MYBPC1: variants seen among roughly 807,000 people sequenced by gnomAD.
MYBPC1 encodes myosin-binding protein C, slow-type.
In MYBPC1, 52 loss-of-function variants were observed where a neutral mutation model predicts 147.1. The ratio of observed to expected loss-of-function variants is 0.35; its 90% CI spans 0.28 to 0.45. The LOEUF (loss-of-function observed/expected upper bound fraction) is 0.45, where lower values mean the gene tolerates loss of function less well. Among genes scored for constraint, MYBPC1 ranks in the 20% least tolerant of loss-of-function variants. The pLI is 1.00. For missense variants in MYBPC1, 1,228 were observed against 1,440.3 expected, an observed-to-expected ratio of 0.85 and a Z score of 2.39; for synonymous variants, 477 against 475.9, an observed-to-expected ratio of 1.00 and a Z score of -0.03.
chr12:101,597,018 A>G (rs536135555), intron 1 of MYBPC1, among the ~76,000 whole-genome samples: 1 of 152,356 alleles, frequency 6.6e-6, no homozygotes, highest in African/African-American at 2.4e-5. Flanking sequence ...CCTTACCAGC[A>G]GAACTGATTC....
chr12:101,631,870 C>T (rs1364720065), intron 7 of MYBPC1, 151 bp downstream of exon 7: 1 of 1,336,268 alleles, frequency 7.5e-7, no homozygotes, highest in African/African-American at 1.4e-5. Context: ...TTGCGATTGC[C>T]CGGCTGTGTC....
chr12:101,675,384 G>C lies in MYBPC1; in HGVS notation c.2902G>C (p.Ala968Pro), dbSNP rs1249516758. ...GACTCCACCAAAGGATGATGGAAAT[G>C]CTGCTATCACAGGCTATACCATTCA... Reference protein sequence around the residue: ...TWTPPKDDGNAAITGYTIQKA... With the variant: ...TWTPPKDDGNPAITGYTIQKA... The change falls in exon 26 of 32, where the codon GCT becomes CCT. Residue 968 changes from alanine to proline, a missense_variant. Ala to Pro is a conservative substitution (Grantham distance 27). Transcript: ENST00000361466. 6.2e-6 allele frequency: 10 copies of C among 1,614,168 alleles called. No homozygotes were observed. The highest frequency in any genetic ancestry group is 8.5e-6 in the Non-Finnish European group (10 of 1,180,016).
chr12:101,685,384 C>T (rs554503158), intron 31 of MYBPC1, among the ~76,000 whole-genome samples, 198 bp from the exon 32 acceptor site: 1 of 152,282 alleles, frequency 6.6e-6, no homozygotes, highest in Admixed American at 6.5e-5. Flanking sequence ...CTTGCTTTTC[C>T]TTCTAGATGC....
At chr12:101,678,276 T>C (rs1900450192) in intron 28 of MYBPC1, 38 bp downstream of exon 28, 19 of 1,609,816 alleles carry the variant, frequency 1.2e-5, no homozygotes, top group Non-Finnish European at 1.6e-5. Context: ...AAAGTCCCTG[T>C]CTTGTATTTG....
chr12:101,661,720 C>T (rs1435548618), intron 20 of MYBPC1, among the ~76,000 whole-genome samples: 1 of 151,784 alleles, frequency 6.6e-6, no homozygotes, highest in Non-Finnish European at 1.5e-5. Flanking sequence ...AAAACCCCAC[C>T]TCTATTAAAA....
rs1359831670 is a variant in MYBPC1, at chr12:101,632,081, T to G, written c.499T>G (p.Cys167Gly). 6 of 1,614,074 alleles carry G rather than the reference T, an allele frequency of 3.7e-6. No individual in the cohort carries two copies. The highest frequency in any genetic ancestry group is 5.1e-6 in the Non-Finnish European group (6 of 1,180,004). Residue 167 changes from cysteine (C) to glycine (G), a missense_variant, in exon 8 of 32, where the codon TGC becomes GGC. By Grantham distance (159) the Cys-to-Gly change is radical. Transcript: ENST00000361466. The stretch of plus-strand genomic sequence containing the variant: ...AGATAACTTTGCAGGAAATTACAGA[T>G]GCGAGGTCACCTATAAGGATAAGTT... ...AKDNFAGNYRCEVTYKDKFDS... is the reference protein window; with the variant it reads ...AKDNFAGNYRGEVTYKDKFDS...
At chr12:101,688,249 T>C (rs1409683058), downstream of MYBPC1, among the ~76,000 whole-genome samples, 1 of 152,034 alleles carries the variant, frequency 6.6e-6, no homozygotes, top group East Asian at 1.9e-4. Flanking sequence ...TGAAGCCTTG[T>C]CTCTACTAAA....
chr12:101,666,469 C>G (rs538735385), intron 22 of MYBPC1: 30 of 418,960 alleles, frequency 7.2e-5, no homozygotes, highest in Non-Finnish European at 1.2e-4. Flanking sequence ...CTGGAGGTGT[C>G]CCAGCCTCCT....
Position 101,652,679 on chromosome 12 carries a change from A to T in MYBPC1, c.1528A>T (p.Ile510Phe). ...AATACATTTTCCTTGTTTCCTTAGG[A>T]TCCACAAGTTAGTGATAGCCAATGC... Reference protein sequence around the residue: ...DRLKVVHKGRIHKLVIANALT... With the variant: ...DRLKVVHKGRFHKLVIANALT... The change falls in exon 17 of 32, where the codon ATC (isoleucine) becomes TTC (phenylalanine). Residue 510 changes from isoleucine (I) to phenylalanine (F), a missense_variant and splice_region_variant. By Grantham distance (21) the Ile-to-Phe change is conservative. This residue lies in a region of MYBPC1 where 1,077 missense variants were observed against 1,314.2 expected (regional missense o/e 0.82). Transcript: ENST00000361466. 6.2e-7 allele frequency: 1 copy of T among 1,607,064 alleles called. No homozygotes were observed. The highest frequency in any genetic ancestry group is 8.5e-7 in the Non-Finnish European group (1 of 1,173,650).
chr12:101,631,558 A>T lies in MYBPC1; in HGVS notation c.290-13A>T. ...TGTTAAAGAGCAAGCTGAATCCCTT[A>T]TGCTTCTTCTAGGTGAAGATATCAC... On this transcript the variant is annotated splice_polypyrimidine_tract_variant and intron_variant, in intron 6 of 31. Transcript: ENST00000361466. 6.2e-7 allele frequency: 1 copy of T among 1,613,642 alleles called. No individual in the cohort carries two copies. Among genetic ancestry groups the T allele is most frequent in the South Asian group, 1.1e-5 (1 of 90,892 alleles).
intron 1 of MYBPC1, among the ~76,000 whole-genome samples, chr12:101,600,156 G>C (rs992960837): frequency 2.6e-5 from 4 of 152,194 alleles, no homozygotes; most frequent in African/African-American, 9.6e-5. Flanking sequence ...TCAGGAGTAA[G>C]GGAGACTGTG....
intron 22 of MYBPC1, among the ~76,000 whole-genome samples, chr12:101,667,178 T>C (rs1353446741): frequency 6.6e-6 from 1 of 152,246 alleles, no homozygotes; most frequent in Non-Finnish European, 1.5e-5. Flanking sequence ...GCCCATGAAC[T>C]GTTTTCTCTT....
At chr12:101,645,567 G>A (rs1194103280) in intron 12 of MYBPC1, among the ~76,000 whole-genome samples, 1 of 152,166 alleles carries the variant, frequency 6.6e-6, no homozygotes, top group Non-Finnish European at 1.5e-5. Flanking sequence ...TTCTTAATGT[G>A]GTCATGCCAC....
At chr12:101,623,002 T>C (rs1434237567) in intron 3 of MYBPC1, among the ~76,000 whole-genome samples, 3 of 152,286 alleles carry the variant, frequency 2.0e-5, no homozygotes, top group South Asian at 2.1e-4. Context: ...TAACATTTAG[T>C]AGACTTTGAA....
chr12:101,631,790 C>T lies in MYBPC1; in HGVS notation c.438+71C>T, dbSNP rs941795648. 195 of 1,603,438 alleles carry T rather than the reference C, an allele frequency of 1.2e-4. 2 individuals carry two copies. The South Asian group carries it at 1.8e-3, about 15-fold the overall frequency. On this transcript the variant is annotated intron_variant, in intron 7 of 31. Transcript: ENST00000361466. The stretch of plus-strand genomic sequence containing the variant: ...TTCTATGTGAATAAATGATTATTTT[C>T]AGGTTCAGCTTTGAGAGACTTCAGT...
chr12:101,675,200 G>A (rs1304594136), intron 25 of MYBPC1, 92 bp from the exon 26 acceptor site: 2 of 1,527,312 alleles, frequency 1.3e-6, no homozygotes, highest in Non-Finnish European at 1.8e-6. Context: ...TCCTGTAACA[G>A]AGGAAAGGGT....
intron 1 of MYBPC1, among the ~76,000 whole-genome samples, chr12:101,596,381 G>A (rs80170678): frequency 0.01 from 1,583 of 152,278 alleles, 45 homozygotes; most frequent in Admixed American, 0.05. Context: ...CCCTGCTAAA[G>A]TATCTTATTT....
chr12:101,674,921 G>A (rs117568087), intron 25 of MYBPC1, among the ~76,000 whole-genome samples: 5 of 147,952 alleles, frequency 3.4e-5, no homozygotes, highest in South Asian at 2.1e-4. Flanking sequence ...CTAGAAAAAC[G>A]TTGTTTCCAA....
intron 1 of MYBPC1, 131 bp from the exon 2 acceptor site, chr12:101,614,365 C>G: frequency 1.1e-6 from 1 of 890,786 alleles, no homozygotes; most frequent in Non-Finnish European, 1.8e-6. Flanking sequence ...ATGTGTTTCC[C>G]TCCTCCATCC....
Sources: allele counts gnomAD v4.1 joint callset (sites outside exome capture counted in the v4.1 genomes callset), GRCh38; gene constraint gnomAD v4.1.1; regional missense constraint gnomAD v4.1.1; transcripts MANE v1.5; gene names NCBI Gene and HGNC (gene_info 2026-07-23, HGNC 2026-07-21).